Variants in SEMA3E observed in about 807,000 individuals in gnomAD.
SEMA3E encodes the protein semaphorin-3E.
A neutral mutation model predicts 93.6 loss-of-function variants in SEMA3E; 49 were observed. The ratio of observed to expected loss-of-function variants is 0.52; its 90% CI spans 0.42 to 0.66. The LOEUF (loss-of-function observed/expected upper bound fraction) is 0.66, where lower values mean the gene tolerates loss of function less well. SEMA3E is among the 30% of genes least tolerant of loss of function. SEMA3E has a pLI of 0.00. For synonymous variants in SEMA3E, 363 were observed against 330.7 expected (o/e 1.10, Z -1.06); for missense variants, 906 against 964.8 (o/e 0.94, Z 0.81).
chr7:83,572,851 T>C (rs999010174), intron 1 of SEMA3E, among the ~76,000 whole-genome samples: 2 of 152,126 alleles, frequency 1.3e-5, no homozygotes, highest in Non-Finnish European at 2.9e-5. Context: ...ATCTATTTTT[T>C]ATCATATACA....
At chr7:83,601,773 A>G (rs901792205) in intron 1 of SEMA3E, among the ~76,000 whole-genome samples, 7 of 152,152 alleles carry the variant, frequency 4.6e-5, no homozygotes, top group South Asian at 2.1e-4. Flanking sequence ...ATCTTAATGT[A>G]CTGTCAGGTC....
chr7:83,509,389 T>C (rs181355849), intron 1 of SEMA3E, among the ~76,000 whole-genome samples: 3 of 152,152 alleles, frequency 2.0e-5, no homozygotes, highest in Non-Finnish European at 4.4e-5. Flanking sequence ...TTTGCTGCAA[T>C]AAGGAGGCCA....
chr7:83,478,714 T>G (rs1207163639), intron 2 of SEMA3E, among the ~76,000 whole-genome samples: 1 of 152,194 alleles, frequency 6.6e-6, no homozygotes, highest in Non-Finnish European at 1.5e-5. Context: ...ATTACTAGGG[T>G]AAAATGCAGC....
chr7:83,545,998 T>C (rs17447628), intron 1 of SEMA3E, among the ~76,000 whole-genome samples: 2,669 of 146,886 alleles, frequency 0.018, 39 homozygotes, highest in Middle Eastern at 0.047. Flanking sequence ...CATGGGGGCA[T>C]ATTATATAAA....
intron 2 of SEMA3E, among the ~76,000 whole-genome samples, chr7:83,475,974 C>T (rs1482214777): frequency 6.6e-6 from 1 of 152,156 alleles, no homozygotes; most frequent in Non-Finnish European, 1.5e-5. Context: ...GACAGTATTT[C>T]TCACTCCTTT....
chr7:83,639,467 A>C (rs78661001), intron 1 of SEMA3E, among the ~76,000 whole-genome samples: 4,501 of 152,018 alleles, frequency 0.03, 194 homozygotes, highest in East Asian at 0.16. Flanking sequence ...ATTTCAATTC[A>C]GTAGATACCA....
intron 1 of SEMA3E, among the ~76,000 whole-genome samples, chr7:83,606,143 T>C (rs1420483808): frequency 2.0e-5 from 3 of 152,178 alleles, no homozygotes; most frequent in Non-Finnish European, 4.4e-5. Flanking sequence ...GACGACAAAA[T>C]TGAAAATTGA....
chr7:83,458,906 CAA>C (rs1789550193), intron 4 of SEMA3E, among the ~76,000 whole-genome samples: 1 of 138,786 alleles, frequency 7.2e-6, no homozygotes. Context: ...TTATATATAA[CAA>C]ATATAAATAT....
chr7:83,545,564 A>AAAAAG (rs1554336841), intron 1 of SEMA3E, among the ~76,000 whole-genome samples: 12 of 147,790 alleles, frequency 8.1e-5, no homozygotes, highest in South Asian at 2.1e-4. Flanking sequence ...AAAAAAAAAA[A>AAAAAG]AAAAAGAAAT....
At chr7:83,585,963 G>A (rs974777039) in intron 1 of SEMA3E, among the ~76,000 whole-genome samples, 1 of 152,164 alleles carries the variant, frequency 6.6e-6, no homozygotes, top group African/African-American at 2.4e-5. Context: ...TCAATGGCCT[G>A]CACCTAACAA....
chr7:83,398,768 AC>A (rs1205546287), intron 11 of SEMA3E, among the ~76,000 whole-genome samples: 13 of 151,906 alleles, frequency 8.6e-5, no homozygotes, highest in African/African-American at 2.7e-4. Context: ...AAATGGAGAA[AC>A]CCCTGTCTCT....
At chr7:83,422,441 T>G (rs1788685178) in intron 4 of SEMA3E, among the ~76,000 whole-genome samples, 1 of 152,138 alleles carries the variant, frequency 6.6e-6, no homozygotes, top group Admixed American at 6.5e-5. Flanking sequence ...ACACTTTCAC[T>G]GAAGAAGTTT....
intron 14 of SEMA3E, among the ~76,000 whole-genome samples, chr7:83,388,742 C>T (rs924148349): frequency 6.6e-6 from 1 of 151,616 alleles, no homozygotes; most frequent in Admixed American, 6.6e-5. Flanking sequence ...TCTTCCCTTT[C>T]CTGGCTCTTT....
At chr7:83,408,982 G>A (rs1181265580) in intron 5 of SEMA3E, among the ~76,000 whole-genome samples, 1 of 152,162 alleles carries the variant, frequency 6.6e-6, no homozygotes, top group Non-Finnish European at 1.5e-5. Context: ...TGATTTTAGT[G>A]TGGGAACAAC....
intron 4 of SEMA3E, among the ~76,000 whole-genome samples, chr7:83,439,960 G>A (rs1205672939): frequency 6.6e-6 from 1 of 152,182 alleles, no homozygotes; most frequent in Non-Finnish European, 1.5e-5. Flanking sequence ...AATAAACACA[G>A]TATCTAACAC....
intron 10 of SEMA3E, among the ~76,000 whole-genome samples, chr7:83,400,889 TCTAA>T (rs1196497212): frequency 5.9e-5 from 9 of 152,282 alleles, no homozygotes; most frequent in African/African-American, 2.2e-4. Flanking sequence ...TGTTGAAACT[TCTAA>T]CTAAGGATCA....
chr7:83,390,404 G>A (rs1562759037), intron 14 of SEMA3E, among the ~76,000 whole-genome samples: 1 of 151,810 alleles, frequency 6.6e-6, no homozygotes, highest in Non-Finnish European at 1.5e-5. Flanking sequence ...GAGAACACTG[G>A]AAATAGACAA....
intron 1 of SEMA3E, among the ~76,000 whole-genome samples, chr7:83,623,789 A>G (rs1793612139): frequency 6.6e-6 from 1 of 151,742 alleles, no homozygotes; most frequent in South Asian, 2.1e-4. Flanking sequence ...AGTTTATTAC[A>G]TAAGTATATA....
rs746472691 is a variant in SEMA3E, at chr7:83,367,563, A to G, written c.*23T>C. 10 of 1,610,624 alleles carry G rather than the reference A, an allele frequency of 6.2e-6. 1 individual carries two copies. Among genetic ancestry groups the G allele is most frequent in the Middle Eastern group, 1.6e-4 (1 of 6,080 alleles). ...ACTTTCCAAATATAAATTCTTCAAA[A>G]GACAGTAGATAGTCTCACCCCATCA... On this transcript the variant is annotated 3_prime_UTR_variant, in exon 17 of 17. Transcript: ENST00000643230.
Sources: allele counts gnomAD v4.1 joint callset (sites outside exome capture counted in the v4.1 genomes callset), GRCh38; gene constraint gnomAD v4.1.1; transcripts MANE v1.5; gene names NCBI Gene and HGNC (gene_info 2026-07-23, HGNC 2026-07-21).